The following RBFOX1 variants were observed in gnomAD, a reference collection of about 807,000 sequenced individuals.
The protein encoded by RBFOX1 is RNA binding protein fox-1 homolog 1.
A neutral mutation model predicts 57.7 loss-of-function variants in RBFOX1; 8 were observed. The ratio of observed to expected loss-of-function variants is 0.14; its 90% confidence interval spans 0.08 to 0.25. RBFOX1 has a LOEUF of 0.25. RBFOX1 is among the 10% of genes least tolerant of loss of function. The probability of loss-of-function intolerance (pLI) is 1.00; values close to 1 mark genes in which losing one functional copy is unlikely to be tolerated. For synonymous variants in RBFOX1, 326 were observed against 222.4 expected (o/e 1.47, Z -4.15); for missense variants, 611 against 548.5 (o/e 1.11, Z -1.14).
chr16:6,668,796 A>T (rs1401730667), intron 3 of RBFOX1, among the ~76,000 whole-genome samples: 1 of 125,768 alleles, frequency 8.0e-6, no homozygotes, highest in Admixed American at 9.0e-5. Flanking sequence ...TGTGCCACTT[A>T]TTTTACTTAA....
At chr16:5,661,200 C>T (rs911596878) in intron 3 of RBFOX1, among the ~76,000 whole-genome samples, 1 of 152,180 alleles carries the variant, frequency 6.6e-6, no homozygotes, top group African/African-American at 2.4e-5. Flanking sequence ...ATTTTCCCAA[C>T]TTATTTATTA....
intron 3 of RBFOX1, among the ~76,000 whole-genome samples, chr16:5,746,896 T>G (rs1159278284): frequency 1.3e-5 from 2 of 152,200 alleles, no homozygotes; most frequent in Admixed American, 6.5e-5. Context: ...CAGGGACAAT[T>G]TGACTTCCTC....
rs1379896470 is a variant in RBFOX1, at chr16:5,851,419, C to T, written c.319-15884C>T. Among the ~76,000 whole-genome samples, 4 of 152,270 alleles carry T rather than the reference C, an allele frequency of 2.6e-5. No homozygotes were observed. In the East Asian group the frequency reaches 5.8e-4, roughly 22 times the overall value. On this transcript the variant is annotated intron_variant, in intron 3 of 19. Coordinates refer to the RBFOX1 transcript ENST00000641259. ...GACCGCCTCTCTCTGCATCCCTCCTCCTTAATTTTCCTCTGTGTGTTTTCC... is the reference window on the plus strand; with the variant it reads ...GACCGCCTCTCTCTGCATCCCTCCTTCTTAATTTTCCTCTGTGTGTTTTCC...
rs71391623 is a variant in RBFOX1 at position 7,330,388 on chromosome 16, GTT to G, written c.28-187740_28-187739del. On this transcript the variant is annotated intron_variant, in intron 4 of 15. Transcript: ENST00000550418. The stretch of plus-strand genomic sequence containing the variant: ...GTATATGTTCAGTGCAGGTGCAGAG[GTT>G]TTTTTTTTTTTTTTTTTTCTGTTTT... Among the ~76,000 whole-genome samples the G allele has an allele frequency of 1.5e-4, 13 of 88,134 alleles. No individual in the cohort carries two copies. In the South Asian group the frequency reaches 4.4e-3, roughly 30 times the overall value. The allele number at this position is 88,134 out of a possible 152,430, so 57.8% of individuals were successfully genotyped here. A position where few individuals can be genotyped will look rare whatever the true frequency, so the allele number is the denominator to read the frequency against.
At position 5,946,151 on chromosome 16, in the gene RBFOX1, A is replaced by C. The variant is rs1193655637; in HGVS notation, c.351+78816A>C. Among the ~76,000 whole-genome samples the C allele has an allele frequency of 2.0e-5, 3 of 152,212 alleles. No individual in the cohort carries two copies. The highest frequency in any genetic ancestry group is 2.9e-5 in the Non-Finnish European group (2 of 68,042). On this transcript the variant is annotated intron_variant, in intron 4 of 19. Transcript: ENST00000641259. The surrounding 1 kb of genome is among the most constrained non-coding windows in gnomAD (Gnocchi z 4.6). The stretch of plus-strand genomic sequence containing the variant: ...GTTAATAGACCACCACTCCTGTCCT[A>C]ACATGGCAGGATGTGATGGAAAGTG...
intron 4 of RBFOX1, among the ~76,000 whole-genome samples, chr16:7,413,328 C>G (rs948671063): frequency 6.6e-6 from 1 of 152,070 alleles, no homozygotes; most frequent in African/African-American, 2.4e-5. Flanking sequence ...CCCTGCCTCC[C>G]TTCCCCAGTC....
At chr16:5,451,888 G>C (rs1169846025) in intron 1 of RBFOX1, among the ~76,000 whole-genome samples, 1 of 152,084 alleles carries the variant, frequency 6.6e-6, no homozygotes, top group African/African-American at 2.4e-5. Context: ...GATGTGTTCT[G>C]ATACCTACCT....
At chr16:7,195,218 A>G (rs934745906) in intron 4 of RBFOX1, among the ~76,000 whole-genome samples, 2 of 152,190 alleles carry the variant, frequency 1.3e-5, no homozygotes, top group African/African-American at 2.4e-5. Flanking sequence ...TGAGTTTCCC[A>G]GAATAGCCTT....
chr16:7,076,464 C>G (rs2058318518), intron 4 of RBFOX1, among the ~76,000 whole-genome samples: 1 of 151,842 alleles, frequency 6.6e-6, no homozygotes, highest in Non-Finnish European at 1.5e-5. Context: ...TAGGATATAC[C>G]AGATTTCTTG....
chr16:6,159,614 T>C (rs556901086), intron 1 of RBFOX1, among the ~76,000 whole-genome samples: 2 of 152,300 alleles, frequency 1.3e-5, no homozygotes, highest in East Asian at 1.9e-4. Flanking sequence ...CTCCTGCTTT[T>C]TTCACTCTGG....
At chr16:7,531,087 T>C (rs979302414) in intron 5 of RBFOX1, among the ~76,000 whole-genome samples, 1 of 152,180 alleles carries the variant, frequency 6.6e-6, no homozygotes, top group South Asian at 2.1e-4. Context: ...ATGTGAAGGC[T>C]TAAATGTTGC....
chr16:7,176,558 C>T (rs753456138), intron 4 of RBFOX1, among the ~76,000 whole-genome samples: 3 of 152,284 alleles, frequency 2.0e-5, no homozygotes, highest in Non-Finnish European at 4.4e-5. Context: ...CACACCCCTT[C>T]ATTTGCATAT....
chr16:6,556,978 C>A (rs1250654455), intron 2 of RBFOX1, among the ~76,000 whole-genome samples: 1 of 143,618 alleles, frequency 7.0e-6, no homozygotes, highest in African/African-American at 2.5e-5. Context: ...AATATACACA[C>A]ATACGTATAT....
chr16:5,427,734 G>A (rs1212680733), intron 1 of RBFOX1, among the ~76,000 whole-genome samples: 1 of 152,162 alleles, frequency 6.6e-6, no homozygotes, highest in East Asian at 1.9e-4. Flanking sequence ...CTCCCGAGAG[G>A]TCAGTCTTGT....
intron 3 of RBFOX1, among the ~76,000 whole-genome samples, chr16:5,696,978 T>A (rs977193257): frequency 2.6e-4 from 40 of 152,240 alleles, no homozygotes; most frequent in East Asian, 5.8e-4. Flanking sequence ...AGTGGCACAG[T>A]CTTGACTCAC....
intron 4 of RBFOX1, among the ~76,000 whole-genome samples, chr16:7,278,954 CT>C (rs527762066): frequency 2.6e-5 from 4 of 151,744 alleles, no homozygotes; most frequent in Admixed American, 2.0e-4. Flanking sequence ...TTTCTTCTGG[CT>C]TTTTTTTCCT....
At chr16:6,310,255 G>GT (rs1439842026) in intron 1 of RBFOX1, among the ~76,000 whole-genome samples, 1 of 152,190 alleles carries the variant, frequency 6.6e-6, no homozygotes, top group Admixed American at 6.5e-5. Flanking sequence ...TATTTCATCA[G>GT]TAAGAGAAGA....
intron 1 of RBFOX1, among the ~76,000 whole-genome samples, chr16:5,260,207 G>A (rs953515650): frequency 6.6e-6 from 1 of 152,052 alleles, no homozygotes; most frequent in African/African-American, 2.4e-5. Flanking sequence ...ACCAAAATGG[G>A]TTCTGAGTCC....
chr16:7,256,330 G>A (rs1242092056), intron 4 of RBFOX1, among the ~76,000 whole-genome samples: 1 of 152,140 alleles, frequency 6.6e-6, no homozygotes, highest in Non-Finnish European at 1.5e-5. Context: ...GATCTCTGAT[G>A]AAGCCACCAT....
Sources: gnomAD v4.1 joint callset for allele counts (sites outside exome capture counted in the v4.1 genomes callset) on GRCh38, gnomAD v4.1.1 for gene constraint, Gnocchi (gnomAD v3.1) non-coding constraint, MANE v1.5 for transcripts, NCBI Gene and HGNC (gene_info 2026-07-23, HGNC 2026-07-21) for gene names.